Variants in IL1RL1 observed in about 807,000 individuals in gnomAD.
IL1RL1 encodes interleukin 1 receptor like 1, also known as interleukin-1 receptor-like 1.
In IL1RL1, 32 loss-of-function variants were observed where a neutral mutation model predicts 50.9. The ratio of observed to expected loss-of-function variants is 0.63; its 90% CI spans 0.47 to 0.84. IL1RL1 has a LOEUF of 0.84. Among genes scored for constraint, IL1RL1 ranks in the 40% least tolerant of loss-of-function variants. The pLI is 0.00. For missense variants in IL1RL1, 773 were observed against 662.9 expected, an observed-to-expected ratio of 1.17 and a Z score of -1.82; for synonymous variants, 275 against 236.0, an observed-to-expected ratio of 1.17 and a Z score of -1.51.
chr2:102,351,537 T>A lies in IL1RL1; in HGVS notation c.1287T>A (p.Asp429Glu). ...IYGRDMLPGE[D>E]VVTAVETNIR... is the part of the protein sequence containing the mutation. ...CTGATCTATTTCTTGTATGACTAGA[T>A]GTAGTCACTGCAGTGGAAACCAACA... The change falls in exon 11 of 11, where the codon GAT (aspartate) becomes GAA (glutamate). Residue 429 changes from aspartate to glutamate, a missense_variant and splice_region_variant. By Grantham distance (45) the Asp-to-Glu change is conservative. Coordinates refer to ENST00000233954, the MANE Select transcript of IL1RL1 (RefSeq NM_016232.5). 6.2e-7 allele frequency: 1 copy of A among 1,612,856 alleles called. No homozygotes were observed.
intron 1 of IL1RL1, among the ~76,000 whole-genome samples, chr2:102,326,437 G>T (rs1456436713): frequency 1.3e-5 from 2 of 152,088 alleles, no homozygotes; most frequent in East Asian, 3.9e-4. Context: ...GGAAGAAAAT[G>T]CATCAACTAA....
intron 1 of IL1RL1, among the ~76,000 whole-genome samples, chr2:102,320,541 G>A (rs1188679951): frequency 1.3e-5 from 2 of 152,050 alleles, no homozygotes; most frequent in Non-Finnish European, 2.9e-5. Context: ...CTACTGATGG[G>A]TTCACATCTC....
chr2:102,328,445 T>C (rs1241512630), intron 1 of IL1RL1, among the ~76,000 whole-genome samples: 1 of 152,134 alleles, frequency 6.6e-6, no homozygotes, highest in Non-Finnish European at 1.5e-5. Context: ...AAAACTGGCA[T>C]GAGACAGGGA....
At chr2:102,329,840 C>G (rs942522484) in intron 1 of IL1RL1, among the ~76,000 whole-genome samples, 2 of 152,160 alleles carry the variant, frequency 1.3e-5, no homozygotes, top group Non-Finnish European at 2.9e-5. Flanking sequence ...CAGGAAACAA[C>G]AGGTGCTGGA....
chr2:102,311,578 G>A lies in IL1RL1; in HGVS notation c.-195G>A, dbSNP rs1233304833. On this transcript the variant is annotated 5_prime_UTR_variant, in exon 1 of 11. Coordinates refer to ENST00000233954, the MANE Select transcript of IL1RL1 (RefSeq NM_016232.5). ...TTGGCTTTCTGAGTTGTGAAACTGT[G>A]GGCAGAAAGTTGAGGAAGAAAGAAC... is the stretch of plus-strand genomic sequence containing the variant. 1.3e-5 allele frequency: 2 copies of A among 151,126 alleles called. No individual in the cohort carries two copies. Among genetic ancestry groups the A allele is most frequent in the East Asian group, 3.8e-4 (2 of 5,256 alleles). 9.4% of individuals were successfully genotyped at this position (151,126 alleles called of 1,614,324 possible). A position where few individuals can be genotyped will look rare whatever the true frequency, so the allele number is the denominator to read the frequency against.
intron 3 of IL1RL1, among the ~76,000 whole-genome samples, chr2:102,339,669 C>A (rs1490170143): frequency 2.6e-5 from 4 of 152,286 alleles, no homozygotes; most frequent in East Asian, 3.9e-4. Context: ...TACTTCTCTG[C>A]CCTTCAGTTT....
chr2:102,311,696 G>A (rs866390776), intron 1 of IL1RL1, 73 bp downstream of exon 1: 6 of 135,732 alleles, frequency 4.4e-5, no homozygotes, highest in Non-Finnish European at 9.2e-5. Flanking sequence ...TACGAATTTA[G>A]GTCATTATAA....
chr2:102,343,037 A>T lies in IL1RL1; in HGVS notation c.684A>T (p.Gly228=), dbSNP rs978330352. The part of the protein sequence containing the change: ...AQNEIKEVEI[G]KNANLTCSAC... The stretch of plus-strand genomic sequence containing the variant: ...GTGAATGTCCTTACTCCCCTCTAGG[A>T]AAAAACGCAAACCTAACTTGCTCTG... The change falls in exon 7 of 11, where the codon GGA becomes GGT. Residue 228 remains glycine, a splice_region_variant and synonymous_variant. Coordinates refer to ENST00000233954, the MANE Select transcript of IL1RL1 (RefSeq NM_016232.5). The T allele has an allele frequency of 1.2e-6, 2 of 1,613,580 alleles. No homozygotes were observed. Among genetic ancestry groups the T allele is most frequent in the Non-Finnish European group, 1.7e-6 (2 of 1,179,818 alleles).
intron 8 of IL1RL1, 107 bp downstream of exon 8, chr2:102,343,522 G>A: frequency 1.3e-6 from 2 of 1,595,856 alleles, no homozygotes; most frequent in Non-Finnish European, 1.7e-6. Flanking sequence ...AATGGCCTGT[G>A]CCATAAAATG....
intron 8 of IL1RL1, chr2:102,345,093 G>T: frequency 1.1e-6 from 1 of 872,352 alleles, no homozygotes; most frequent in Non-Finnish European, 1.4e-6. Context: ...AGGCAAGAAG[G>T]GGATATGTTT....
Position 102,343,100 on chromosome 2 carries a change from C to G in IL1RL1, c.747C>G (p.Val249=), listed in dbSNP as rs372957266. 6.2e-7 allele frequency: 1 copy of G among 1,613,932 alleles called. No homozygotes were observed. The highest frequency in any genetic ancestry group is 8.5e-7 in the Non-Finnish European group (1 of 1,179,856). ...FGKGTQFLAA[V]LWQLNGTKIT... ...AAGGCACTCAGTTCTTGGCTGCCGT[C>G]CTGTGGCAGCTTAATGGAACAAAAA... Residue 249 remains valine, a synonymous_variant, in exon 7 of 11, where the codon GTC becomes GTG. Transcript: ENST00000233954.
intron 1 of IL1RL1, chr2:102,313,020 C>A (rs1329208268): frequency 6.6e-6 from 1 of 151,982 alleles, no homozygotes; most frequent in African/African-American, 2.4e-5. Flanking sequence ...TGGACATAAT[C>A]ATCTAATTTT....
Position 102,351,528 on chromosome 2 carries a change from A to G in IL1RL1, c.1286-8A>G. 1 of 1,607,420 alleles carries G rather than the reference A, an allele frequency of 6.2e-7. No homozygotes were observed. The highest frequency in any genetic ancestry group is 2.2e-5 in the East Asian group (1 of 44,760). On this transcript the variant is annotated splice_polypyrimidine_tract_variant and splice_region_variant and intron_variant, in intron 10 of 10. Coordinates refer to ENST00000233954, the MANE Select transcript of IL1RL1 (RefSeq NM_016232.5). ...ATAAGAAATCTGATCTATTTCTTGT[A>G]TGACTAGATGTAGTCACTGCAGTGG...
At chr2:102,332,320 A>G (rs1173964855) in intron 1 of IL1RL1, among the ~76,000 whole-genome samples, 1 of 152,196 alleles carries the variant, frequency 6.6e-6, no homozygotes, top group Non-Finnish European at 1.5e-5. Flanking sequence ...TTGCAATTCA[A>G]AATTGATTGG....
chr2:102,351,614 A>C lies in IL1RL1; in HGVS notation c.1364A>C (p.Asn455Thr). 1 of 1,614,096 alleles carries C rather than the reference A, an allele frequency of 6.2e-7. No individual in the cohort carries two copies. Among genetic ancestry groups the C allele is most frequent in the Non-Finnish European group, 8.5e-7 (1 of 1,179,992 alleles). Reference protein sequence around the residue: ...IFILTPQITHNKEFAYEQEVA... With the variant: ...IFILTPQITHTKEFAYEQEVA... Reference sequence around the variant, plus strand: ...ATCCTGACCCCTCAGATCACTCACAATAAGGAGTTTGCCTACGAGCAGGAG... The same window carrying C: ...ATCCTGACCCCTCAGATCACTCACACTAAGGAGTTTGCCTACGAGCAGGAG... The change falls in exon 11 of 11, where the codon AAT becomes ACT. Residue 455 changes from asparagine to threonine, a missense_variant. Asn to Thr is a moderately conservative substitution (Grantham distance 65). Coordinates refer to ENST00000233954, the MANE Select transcript of IL1RL1 (RefSeq NM_016232.5).
chr2:102,312,060 T>TAA (rs1452141432), intron 1 of IL1RL1, among the ~76,000 whole-genome samples: 1 of 79,102 alleles, frequency 1.3e-5, no homozygotes, highest in Non-Finnish European at 2.4e-5. Flanking sequence ...ATAATATATA[T>TAA]AACATTATTG....
Position 102,326,298 on chromosome 2 carries a change from A to G in IL1RL1, c.-149-11818A>G, listed in dbSNP as rs55706903. Among the ~76,000 whole-genome samples the G allele has an allele frequency of 5.5e-3, 833 of 152,292 alleles. 17 individuals are homozygous for G. The highest frequency in any genetic ancestry group is 0.019 in the African/African-American group (800 of 41,542). On this transcript the variant is annotated intron_variant, in intron 1 of 10. Transcript: ENST00000233954. ...AATAAAATACTTTACAGACAAGCAA[A>G]TGCTGAGAGATTTTGTCACCACCAG...
chr2:102,347,416 T>C (rs892118837), intron 8 of IL1RL1, among the ~76,000 whole-genome samples: 1 of 152,228 alleles, frequency 6.6e-6, no homozygotes, highest in Non-Finnish European at 1.5e-5. Context: ...GGGTTTCAAG[T>C]CTGGACAGAA....
Position 102,349,098 on chromosome 2 carries a change from T to C in IL1RL1, c.1137T>C (p.Ala379=). 1 of 1,613,730 alleles carries C rather than the reference T, an allele frequency of 6.2e-7. No individual in the cohort carries two copies. Among genetic ancestry groups the C allele is most frequent in the Non-Finnish European group, 8.5e-7 (1 of 1,179,626 alleles). Residue 379 remains alanine, a synonymous_variant, in exon 10 of 11, where the codon GCT becomes GCC. Coordinates refer to ENST00000233954, the MANE Select transcript of IL1RL1 (RefSeq NM_016232.5). ...TTTCAGATGGAAAGCTCTATGATGC[T>C]TATGTTGTCTACCCACGGAACTACA... The part of the protein sequence containing the change: ...KTRNDGKLYD[A]YVVYPRNYKS...
Sources: gnomAD v4.1 joint callset for allele counts (sites outside exome capture counted in the v4.1 genomes callset) on GRCh38, gnomAD v4.1.1 for gene constraint, MANE v1.5 for transcripts, NCBI Gene and HGNC (gene_info 2026-07-23, HGNC 2026-07-21) for gene names.